TAPT1: variants seen among roughly 807,000 people sequenced by gnomAD.
The protein encoded by TAPT1 is transmembrane anterior posterior transformation protein 1 homolog.
Under a neutral mutation model 65.6 loss-of-function variants are expected in TAPT1, and 28 were observed. That is an observed-to-expected ratio of 0.43 (90% CI 0.32 to 0.59). TAPT1 has a LOEUF of 0.59. Among genes scored for constraint, TAPT1 ranks in the 20% least tolerant of loss-of-function variants. The probability of loss-of-function intolerance (pLI) is 0.09; values close to 1 mark genes in which losing one functional copy is unlikely to be tolerated. For missense variants in TAPT1, 563 were observed against 679.9 expected (o/e 0.83, Z 1.91); for synonymous variants, 278 against 245.2 (o/e 1.13, Z -1.25).
intron 2 of TAPT1, among the ~76,000 whole-genome samples, chr4:16,208,549 C>T (rs1286906631): frequency 1.3e-5 from 2 of 152,130 alleles, no homozygotes; most frequent in Non-Finnish European, 2.9e-5. Context: ...AGATGTAATG[C>T]CGAGGTTGCA....
chr4:16,193,243 T>C (rs1019624010), intron 3 of TAPT1, among the ~76,000 whole-genome samples: 5 of 152,168 alleles, frequency 3.3e-5, no homozygotes, highest in African/African-American at 9.7e-5. Context: ...CCAATGAGCC[T>C]AAATAAGAGA....
chr4:16,226,486 G>T, upstream of TAPT1: 2 of 1,043,602 alleles, frequency 1.9e-6, no homozygotes. Context: ...TGTCCCCGCC[G>T]CCTCCCTCCA....
Position 16,163,430 on chromosome 4 carries a change from T to A in TAPT1, c.1582A>T (p.Thr528Ser). 6.2e-7 allele frequency: 1 copy of A among 1,613,982 alleles called. No homozygotes were observed. Among genetic ancestry groups the A allele is most frequent in the South Asian group, 1.1e-5 (1 of 91,086 alleles). ...LVTSNSDQFL[T>S]TPDGDEKDIT... ...TCCTTCTCGTCACCATCTGGAGTTG[T>A]CAAAAACTGATCAGAATTGCTTGTC... Residue 528 changes from threonine (T) to serine (S), a missense_variant, in exon 14 of 14, where the codon ACA becomes TCA. By Grantham distance (58) the Thr-to-Ser change is moderately conservative (BLOSUM62 1). Around this residue, in one of 5 missense-constraint regions of TAPT1, gnomAD observed 136 missense variants for 153.9 expected, o/e 0.88. Transcript: ENST00000405303.
At chr4:16,217,481 A>G (rs916459386) in intron 1 of TAPT1, among the ~76,000 whole-genome samples, 3 of 152,322 alleles carry the variant, frequency 2.0e-5, no homozygotes, top group Non-Finnish European at 2.9e-5. Flanking sequence ...AACAGAACCG[A>G]CAAAGAATTG....
rs371444361 is a variant in TAPT1, at chr4:16,163,294, A to G, written c.*14T>C. ...CCCCAGGACCCAGCTTCTTCAGCGCATGAAGCCACAGATTCAGTCAATTCG... is the reference window on the plus strand; with the variant it reads ...CCCCAGGACCCAGCTTCTTCAGCGCGTGAAGCCACAGATTCAGTCAATTCG... On this transcript the variant is annotated 3_prime_UTR_variant, in exon 14 of 14. Transcript: ENST00000405303. 4.4e-5 allele frequency: 70 copies of G among 1,606,400 alleles called. No individual in the cohort carries two copies. The African/African-American group carries it at 7.9e-4, about 18-fold the overall frequency.
intron 1 of TAPT1, among the ~76,000 whole-genome samples, chr4:16,215,178 C>T (rs1441027430): frequency 6.6e-6 from 1 of 151,792 alleles, no homozygotes; most frequent in Non-Finnish European, 1.5e-5. Flanking sequence ...GTAGTCCCAG[C>T]TGCTTGGGAG....
intron 3 of TAPT1, among the ~76,000 whole-genome samples, chr4:16,201,248 C>T (rs939855702): frequency 4.6e-5 from 7 of 152,022 alleles, no homozygotes; most frequent in African/African-American, 1.7e-4. Flanking sequence ...CAAGTATACG[C>T]TCATTTACTA....
intron 7 of TAPT1, among the ~76,000 whole-genome samples, chr4:16,185,589 G>C (rs1254277069): frequency 1.3e-5 from 2 of 152,124 alleles, no homozygotes; most frequent in Non-Finnish European, 2.9e-5. Flanking sequence ...GGCTGGTCTT[G>C]AACTCCTGAC....
In TAPT1 at chr4:16,226,360, C is replaced by T; in HGVS notation, c.98G>A (p.Gly33Asp). 9.0e-7 allele frequency: 1 copy of T among 1,112,024 alleles called. No individual in the cohort carries two copies. 68.9% of individuals were successfully genotyped at this position (1,112,024 alleles called of 1,614,324 possible). Residue 33 changes from glycine to aspartate, a missense_variant, in exon 1 of 14, where the codon GGC becomes GAC. Physicochemically the swap from Gly to Asp is moderately conservative, Grantham distance 94 (BLOSUM62 -1). Transcript: ENST00000405303. Reference sequence around the variant, plus strand: ...CGGGGGCCCCTGTCCGCCGCTGCCGCCCGGCTGCTCCGCCTCGCCGCGGCC... The same window carrying T: ...CGGGGGCCCCTGTCCGCCGCTGCCGTCCGGCTGCTCCGCCTCGCCGCGGCC... ...RDGRGEAEQP[G>D]GSGGQGPPPA...
intron 2 of TAPT1, among the ~76,000 whole-genome samples, chr4:16,203,280 A>G (rs987464477): frequency 1.4e-4 from 21 of 152,186 alleles, no homozygotes; most frequent in Admixed American, 9.8e-4. Flanking sequence ...TATGTCTGAC[A>G]CACAATTATG....
intron 2 of TAPT1, among the ~76,000 whole-genome samples, chr4:16,208,382 T>C (rs1251887924): frequency 1.3e-5 from 2 of 152,196 alleles, no homozygotes; most frequent in Non-Finnish European, 2.9e-5. Flanking sequence ...TTCACTGTCC[T>C]AGCCTCCTTT....
intron 7 of TAPT1, among the ~76,000 whole-genome samples, chr4:16,186,045 A>G (rs1440721868): frequency 6.6e-6 from 1 of 152,204 alleles, no homozygotes; most frequent in Admixed American, 6.5e-5. Flanking sequence ...CTGGCTTTCA[A>G]AAACTATGTA....
chr4:16,163,528 G>A lies in TAPT1; in HGVS notation c.1484C>T (p.Thr495Ile), dbSNP rs929230368. ...NKCKPSQGLS[T>I]EENLSASITK... ...GATGGAGGCAGACAGGTTTTCTTCT[G>A]TGGAAAGGCCTGTGATAAAATAGAT... Residue 495 changes from threonine to isoleucine, a missense_variant, in exon 14 of 14, where the codon ACA (threonine) becomes ATA (isoleucine). Thr to Ile is a moderately conservative substitution (Grantham distance 89). Coordinates refer to ENST00000405303, the MANE Select transcript of TAPT1 (RefSeq NM_153365.3). The A allele has an allele frequency of 1.2e-6, 2 of 1,612,072 alleles. No individual in the cohort carries two copies. The highest frequency in any genetic ancestry group is 3.3e-5 in the Admixed American group (2 of 59,960).
At chr4:16,227,213 G>T (rs765900397), upstream of TAPT1, 1 of 455,566 alleles carries the variant, frequency 2.2e-6, no homozygotes, top group South Asian at 1.6e-5. Flanking sequence ...CGGCCGGACC[G>T]GCAGAGTTTC....
intron 5 of TAPT1, among the ~76,000 whole-genome samples, chr4:16,187,403 G>A (rs1749082363): frequency 6.6e-6 from 1 of 152,166 alleles, no homozygotes. Context: ...TTCTTCATAT[G>A]TCATTTTGAA....
intron 12 of TAPT1, among the ~76,000 whole-genome samples, chr4:16,170,416 G>A (rs1747916751): frequency 6.6e-6 from 1 of 152,130 alleles, no homozygotes; most frequent in Non-Finnish European, 1.5e-5. Context: ...AAGCAAAAAG[G>A]GCTTTAAGAT....
In TAPT1 at chr4:16,202,448, G is replaced by C. The variant is rs988698798; in HGVS notation, c.449+14C>G. 2 of 1,390,438 alleles carry C rather than the reference G, an allele frequency of 1.4e-6. No individual in the cohort carries two copies. Among genetic ancestry groups the C allele is most frequent in the Non-Finnish European group, 2.0e-6 (2 of 1,002,932 alleles). The allele number at this position is 1,390,438 out of a possible 1,614,324, so 86.1% of individuals were successfully genotyped here. On this transcript the variant is annotated intron_variant, in intron 3 of 13. Transcript: ENST00000405303. ...ATACTATACATTTACAATAGTTAACGATCTTAAACTTACCTTAAGCCATAG... is the reference window on the plus strand; with the variant it reads ...ATACTATACATTTACAATAGTTAACCATCTTAAACTTACCTTAAGCCATAG...
chr4:16,196,671 T>C, intron 3 of TAPT1: 1 of 1,288,454 alleles, frequency 7.8e-7, no homozygotes, highest in Non-Finnish European at 1.0e-6. Context: ...AAGGAGTCCC[T>C]GTGCCACCAC....
intron 1 of TAPT1, among the ~76,000 whole-genome samples, chr4:16,221,590 AC>A (rs942238708): frequency 1.3e-5 from 2 of 152,226 alleles, no homozygotes; most frequent in Non-Finnish European, 2.9e-5. Context: ...AGAAATAAGA[AC>A]CAAAGATTAA....
Sources: gnomAD v4.1 joint callset for allele counts (sites outside exome capture counted in the v4.1 genomes callset) on GRCh38, gnomAD v4.1.1 for gene constraint, gnomAD v4.1.1 regional missense constraint, MANE v1.5 for transcripts, NCBI Gene and HGNC (gene_info 2026-07-23, HGNC 2026-07-21) for gene names.